ADGRL2: variants seen among roughly 807,000 people sequenced by gnomAD.
ADGRL2 encodes calcium-independent alpha-latrotoxin receptor 2.
Under a neutral mutation model 157.4 loss-of-function variants are expected in ADGRL2, and 44 were observed. The ratio of observed to expected loss-of-function variants is 0.28; its 90% CI spans 0.22 to 0.36. The LOEUF (loss-of-function observed/expected upper bound fraction) is 0.36, where lower values mean the gene tolerates loss of function less well. Among genes scored for constraint, ADGRL2 ranks in the 10% least tolerant of loss-of-function variants. The pLI, the probability that ADGRL2 is intolerant of heterozygous loss-of-function variation, is 1.00. For synonymous variants in ADGRL2, 585 were observed against 624.7 expected, an observed-to-expected ratio of 0.94 and a Z score of 0.95; for missense variants, 1,510 against 1,768.9, an observed-to-expected ratio of 0.85 and a Z score of 2.63.
Position 81,449,449 on chromosome 1 carries a change from A to G in ADGRL2, c.-248+4360A>G, listed in dbSNP as rs141626890. On this transcript the variant is annotated intron_variant, in intron 2 of 24. Transcript: ENST00000370721. ...TCTTGCACATTCAGTGAAAGTGCCAATAGGCATCCCACCAAAATCCCCGGT... is the reference window on the plus strand; with the variant it reads ...TCTTGCACATTCAGTGAAAGTGCCAGTAGGCATCCCACCAAAATCCCCGGT... Among the ~76,000 whole-genome samples, 1,212 of 152,350 alleles carry G rather than the reference A, an allele frequency of 8.0e-3. 5 individuals are homozygous for G. The highest frequency in any genetic ancestry group is 0.013 in the Non-Finnish European group (868 of 68,032).
chr1:81,325,838 G>A (rs1036820831), intron 1 of ADGRL2, among the ~76,000 whole-genome samples: 2 of 152,064 alleles, frequency 1.3e-5, no homozygotes, highest in African/African-American at 4.8e-5. Context: ...TCAACCCCAA[G>A]GCTCACAGTA....
intron 1 of ADGRL2, among the ~76,000 whole-genome samples, chr1:81,758,882 A>T (rs1368297148): frequency 6.6e-6 from 1 of 151,998 alleles, no homozygotes; most frequent in Non-Finnish European, 1.5e-5. Flanking sequence ...ACATAAAGAG[A>T]CCTTCAAATA....
chr1:81,464,558 T>A (rs1318516887), intron 2 of ADGRL2, among the ~76,000 whole-genome samples: 1 of 152,172 alleles, frequency 6.6e-6, no homozygotes, highest in East Asian at 1.9e-4. Flanking sequence ...TCTTTCTCTG[T>A]TCTTCCTTTG....
intron 1 of ADGRL2, among the ~76,000 whole-genome samples, chr1:81,367,620 C>T (rs181230534): frequency 4.6e-5 from 7 of 152,198 alleles, no homozygotes; most frequent in Admixed American, 1.3e-4. Flanking sequence ...AGCGCAATGG[C>T]GTGATCACTG....
At chr1:81,540,627 G>A (rs1470334940) in intron 2 of ADGRL2, among the ~76,000 whole-genome samples, 2 of 152,084 alleles carry the variant, frequency 1.3e-5, no homozygotes, top group African/African-American at 2.4e-5. Flanking sequence ...CAGGCAAAGA[G>A]GGATTGCCTG....
intron 2 of ADGRL2, among the ~76,000 whole-genome samples, chr1:81,504,652 C>T (rs1359613222): frequency 6.6e-6 from 1 of 152,084 alleles, no homozygotes; most frequent in Non-Finnish European, 1.5e-5. Flanking sequence ...TCAGGGATCA[C>T]GGGGGCGGGG....
chr1:81,955,568 A>G (rs1653236650), intron 10 of ADGRL2, among the ~76,000 whole-genome samples: 1 of 152,192 alleles, frequency 6.6e-6, no homozygotes, highest in African/African-American at 2.4e-5. Context: ...TCTCAGATTA[A>G]GAGCTGACAC....
At chr1:81,852,160 A>G (rs1320387546) in intron 2 of ADGRL2, among the ~76,000 whole-genome samples, 4 of 152,092 alleles carry the variant, frequency 2.6e-5, no homozygotes, top group African/African-American at 9.7e-5. Context: ...TTTTAAAACA[A>G]TAGTGATATC....
chr1:81,443,264 T>C (rs2077541958), intron 1 of ADGRL2, among the ~76,000 whole-genome samples: 1 of 151,856 alleles, frequency 6.6e-6, no homozygotes. Context: ...CTACTAAAAA[T>C]ACAAAAAATT....
intron 2 of ADGRL2, among the ~76,000 whole-genome samples, chr1:81,459,394 A>C (rs1245236316): frequency 6.6e-6 from 1 of 152,152 alleles, no homozygotes; most frequent in Non-Finnish European, 1.5e-5. Context: ...ACTATACCTC[A>C]AGTAGAATCA....
chr1:81,855,982 G>T (rs896075113), intron 2 of ADGRL2, among the ~76,000 whole-genome samples: 2 of 152,138 alleles, frequency 1.3e-5, no homozygotes, highest in Non-Finnish European at 2.9e-5. Flanking sequence ...CGTGGTAAGG[G>T]ACAGAAGCTG....
At chr1:81,739,508 T>C (rs773957299) in intron 1 of ADGRL2, among the ~76,000 whole-genome samples, 1 of 152,198 alleles carries the variant, frequency 6.6e-6, no homozygotes, top group Non-Finnish European at 1.5e-5. Flanking sequence ...AGAGCCAAGG[T>C]GAGCTCTTAT....
At chr1:81,612,352 C>G (rs1194117857) in intron 3 of ADGRL2, among the ~76,000 whole-genome samples, 3 of 152,160 alleles carry the variant, frequency 2.0e-5, no homozygotes, top group Non-Finnish European at 4.4e-5. Context: ...TGGGCACCAT[C>G]AGGGCCTGGA....
At chr1:81,629,682 TGTGTGTGTGTGTGTG>T (rs2081975195) in intron 3 of ADGRL2, among the ~76,000 whole-genome samples, 1 of 97,180 alleles carries the variant, frequency 1.0e-5, no homozygotes, top group East Asian at 4.6e-4. Context: ...TGTGTGTGTG[TGTGTGTGTGTGTGTG>T]TATGTAGATA....
chr1:81,955,140 G>A (rs542897381), intron 10 of ADGRL2, among the ~76,000 whole-genome samples: 2 of 152,280 alleles, frequency 1.3e-5, no homozygotes, highest in Non-Finnish European at 2.9e-5. Flanking sequence ...CAACTTGGGT[G>A]TTTATGAAGA....
In ADGRL2 at chr1:81,458,561, G is replaced by A. The variant is rs139279004; in HGVS notation, c.-248+13472G>A. 7.2e-3 allele frequency among the ~76,000 whole-genome samples: 1,091 copies of A among 152,228 alleles called. 15 individuals are homozygous for A. The highest frequency in any genetic ancestry group is 0.025 in the African/African-American group (1,036 of 41,534). The stretch of plus-strand genomic sequence containing the variant: ...TCAGTCCTCTGGACTCACACCATCC[G>A]CTTCAGCCCAGCAGGCTACACTCAG... On this transcript the variant is annotated intron_variant, in intron 2 of 24. Transcript: ENST00000370721.
rs1403787443 is a variant in ADGRL2, at chr1:81,981,794, C to T, written c.3114-14C>T. The stretch of plus-strand genomic sequence containing the variant: ...TCATTGAACCTGTTAAAAAAGTTCA[C>T]TTTATTTTTCCAGGTCTTGGGTGCT... On this transcript the variant is annotated splice_polypyrimidine_tract_variant and intron_variant, in intron 18 of 23. Transcript: ENST00000686636. The T allele has an allele frequency of 1.3e-6, 2 of 1,596,740 alleles. No individual in the cohort carries two copies. The highest frequency in any genetic ancestry group is 1.7e-6 in the Non-Finnish European group (2 of 1,174,024).
intron 1 of ADGRL2, among the ~76,000 whole-genome samples, chr1:81,715,787 A>C (rs140305143): frequency 1.8e-3 from 278 of 152,218 alleles, no homozygotes; most frequent in African/African-American, 6.4e-3. Context: ...AGGTCACAGA[A>C]CCTAATGAGG....
chr1:81,456,368 G>A (rs971530306), intron 2 of ADGRL2, among the ~76,000 whole-genome samples: 1 of 151,922 alleles, frequency 6.6e-6, no homozygotes, highest in Non-Finnish European at 1.5e-5. Context: ...ATAAGTGTGT[G>A]CCACCATATC....
Sources: gnomAD v4.1 joint callset for allele counts (sites outside exome capture counted in the v4.1 genomes callset) on GRCh38, gnomAD v4.1.1 for gene constraint, MANE v1.5 for transcripts, NCBI Gene and HGNC (gene_info 2026-07-23, HGNC 2026-07-21) for gene names.